PCDHA6: variants seen among roughly 807,000 people sequenced by gnomAD.
PCDHA6 encodes protocadherin alpha-6.
In PCDHA6, 55 loss-of-function variants were observed where a neutral mutation model predicts 60.3. The observed-to-expected ratio is 0.91, with a 90% CI of 0.73 to 1.14. PCDHA6 has a LOEUF of 1.14. Among genes scored for constraint, PCDHA6 ranks in the 50% most tolerant of loss-of-function variants. PCDHA6 has a pLI of 0.00. For missense variants in PCDHA6, 1,327 were observed against 1,256.5 expected, an observed-to-expected ratio of 1.06 and a Z score of -0.85; for synonymous variants, 652 against 557.9, an observed-to-expected ratio of 1.17 and a Z score of -2.38.
chr5:140,830,320 C>CG lies in PCDHA6; in HGVS notation c.2230dup (p.Ala744GlyfsTer30), dbSNP rs2150184981. The CG allele has an allele frequency of 6.2e-7, 1 of 1,613,990 alleles. No individual in the cohort carries two copies. The highest frequency in any genetic ancestry group is 8.5e-7 in the Non-Finnish European group (1 of 1,179,930). ...ACAAGCCCACGCTGGTGTGCTCCAG[C>CG]GCAGTGGGGAGCTGGTCGTACTCGC... On this transcript the variant is annotated frameshift_variant, in exon 1 of 4. Transcript: ENST00000529310. LOFTEE classifies it high-confidence loss of function.
chr5:140,843,209 G>A, intron 1 of PCDHA6: 2 of 1,596,078 alleles, frequency 1.3e-6, no homozygotes, highest in African/African-American at 2.7e-5. Context: ...GTACACGGGC[G>A]AGATCAGCAC....
intron 1 of PCDHA6, chr5:140,966,824 A>G (rs1463208532): frequency 1.3e-6 from 2 of 1,559,876 alleles, no homozygotes; most frequent in Admixed American, 1.9e-5. Flanking sequence ...CCGGCGGCCC[A>G]TGCCCTGGCT....
At chr5:140,955,126 G>T (rs947007538) in intron 1 of PCDHA6, among the ~76,000 whole-genome samples, 6 of 152,110 alleles carry the variant, frequency 3.9e-5, no homozygotes, top group African/African-American at 1.4e-4. Flanking sequence ...CTGTTCCACT[G>T]GTCTACACGT....
chr5:141,005,256 A>C (rs1307850409), intron 3 of PCDHA6, among the ~76,000 whole-genome samples: 1 of 152,212 alleles, frequency 6.6e-6, no homozygotes, highest in East Asian at 1.9e-4. Flanking sequence ...TGTGCTAGGC[A>C]CTGGTGATAC....
intron 1 of PCDHA6, among the ~76,000 whole-genome samples, chr5:140,889,560 T>C (rs2062271183): frequency 6.6e-6 from 1 of 152,204 alleles, no homozygotes. Context: ...TCTTCAGAAT[T>C]CTGCTTTCTG....
intron 1 of PCDHA6, among the ~76,000 whole-genome samples, chr5:140,931,648 T>G (rs1258876806): frequency 6.6e-6 from 1 of 152,014 alleles, no homozygotes; most frequent in African/African-American, 2.4e-5. Context: ...TGCTAATAAT[T>G]GTTGTGGGCT....
chr5:140,950,809 A>G (rs1554219635), intron 1 of PCDHA6, among the ~76,000 whole-genome samples: 1 of 152,102 alleles, frequency 6.6e-6, no homozygotes, highest in African/African-American at 2.4e-5. Context: ...GTTTTACCAT[A>G]GTAGGGTTAA....
At chr5:140,830,856 TG>T (rs1370462098) in intron 1 of PCDHA6, 4 of 153,858 alleles carry the variant, frequency 2.6e-5, no homozygotes, top group African/African-American at 9.6e-5. Flanking sequence ...TACTCTTTTT[TG>T]ATCATATATT....
chr5:140,925,076 A>G (rs1388489555), intron 1 of PCDHA6, among the ~76,000 whole-genome samples: 2 of 148,798 alleles, frequency 1.3e-5, no homozygotes, highest in Non-Finnish European at 3.0e-5. Context: ...CAACACGCTC[A>G]TCTGGAAAGG....
chr5:140,972,660 AT>A (rs11350929), intron 1 of PCDHA6, among the ~76,000 whole-genome samples: 34,850 of 117,234 alleles, frequency 0.3, 4,025 homozygotes, highest in East Asian at 0.43. Context: ...AAGAAACCAA[AT>A]TTTTTTTTTT....
At chr5:140,996,503 G>A (rs1306027159) in intron 3 of PCDHA6, among the ~76,000 whole-genome samples, 1 of 152,120 alleles carries the variant, frequency 6.6e-6, no homozygotes, top group African/African-American at 2.4e-5. Context: ...TGGCTTCTTG[G>A]GGCCCAGCAT....
intron 3 of PCDHA6, among the ~76,000 whole-genome samples, chr5:141,000,421 ATTTT>A (rs34755515): frequency 0.018 from 509 of 27,798 alleles, 2 homozygotes; most frequent in African/African-American, 0.027. Context: ...ATATATATAT[ATTTT>A]TTTTTTTTTT....
At chr5:140,901,469 G>A (rs1056054450) in intron 1 of PCDHA6, among the ~76,000 whole-genome samples, 1 of 152,080 alleles carries the variant, frequency 6.6e-6, no homozygotes, top group African/African-American at 2.4e-5. Flanking sequence ...CTTTTCTCGA[G>A]TTTATGTTCT....
intron 1 of PCDHA6, among the ~76,000 whole-genome samples, chr5:140,890,239 C>G (rs1398307605): frequency 6.6e-6 from 1 of 151,982 alleles, no homozygotes; most frequent in African/African-American, 2.4e-5. Context: ...AAGCATTTAC[C>G]AGTACACTAC....
chr5:141,006,365 C>A, intron 3 of PCDHA6, among the ~76,000 whole-genome samples: 1 of 151,966 alleles, frequency 6.6e-6, no homozygotes, highest in East Asian at 1.9e-4. Flanking sequence ...GCGCCCACCA[C>A]CACGCCCGGC....
chr5:140,848,861 G>C, intron 1 of PCDHA6: 1 of 1,590,758 alleles, frequency 6.3e-7, no homozygotes, highest in Non-Finnish European at 8.6e-7. Flanking sequence ...TGGACGTGGA[G>C]GTGAAGGACA....
intron 1 of PCDHA6, among the ~76,000 whole-genome samples, chr5:140,899,774 C>T (rs966615256): frequency 3.9e-5 from 6 of 152,122 alleles, no homozygotes; most frequent in African/African-American, 1.4e-4. Context: ...CCTCCTTTTA[C>T]CTCTGGTATA....
intron 3 of PCDHA6, among the ~76,000 whole-genome samples, chr5:141,005,731 A>AC (rs2098235322): frequency 6.7e-6 from 1 of 149,106 alleles, no homozygotes; most frequent in Non-Finnish European, 1.5e-5. Flanking sequence ...AAAAAAAAAA[A>AC]GAATGGATGA....
At chr5:140,967,155 C>A (rs1554229255) in intron 1 of PCDHA6, 1 of 1,610,598 alleles carries the variant, frequency 6.2e-7, no homozygotes, top group Admixed American at 1.7e-5. Context: ...AACCCCGTGG[C>A]GGTGAGCGCC....
Sources: gnomAD v4.1 joint callset for allele counts (sites outside exome capture counted in the v4.1 genomes callset) on GRCh38, gnomAD v4.1.1 for gene constraint, MANE v1.5 for transcripts, NCBI Gene and HGNC (gene_info 2026-07-23, HGNC 2026-07-21) for gene names.